The following UNC5C variants were observed in gnomAD, a reference collection of about 807,000 sequenced individuals.
UNC5C encodes netrin receptor UNC5C.
A neutral mutation model predicts 99.8 loss-of-function variants in UNC5C; 47 were observed. That is an observed-to-expected ratio of 0.47 (90% CI 0.37 to 0.60). The LOEUF (loss-of-function observed/expected upper bound fraction) is 0.60, where lower values mean the gene tolerates loss of function less well. Ranked by LOEUF, UNC5C falls within the 20% of genes least tolerant of loss-of-function variation. The pLI is 0.00. For synonymous variants in UNC5C, 487 were observed against 452.2 expected, an observed-to-expected ratio of 1.08 and a Z score of -0.98; for missense variants, 1,062 against 1,165.9, an observed-to-expected ratio of 0.91 and a Z score of 1.30.
chr4:95,397,291 G>T (rs1745542704), intron 1 of UNC5C, among the ~76,000 whole-genome samples: 2 of 152,168 alleles, frequency 1.3e-5, no homozygotes, highest in East Asian at 1.9e-4. Flanking sequence ...AAACTCCAAG[G>T]TTAATAAACT....
intron 1 of UNC5C, among the ~76,000 whole-genome samples, chr4:95,448,327 T>C (rs1008051257): frequency 6.7e-6 from 1 of 149,238 alleles, no homozygotes; most frequent in South Asian, 2.2e-4. Flanking sequence ...TAGCCACACA[T>C]GCAACATTTG....
intron 1 of UNC5C, among the ~76,000 whole-genome samples, chr4:95,382,498 T>A (rs368024052): frequency 4.9e-4 from 74 of 151,768 alleles, no homozygotes; most frequent in African/African-American, 1.8e-3. Flanking sequence ...AGATGAATAA[T>A]CCAAAATCAT....
chr4:95,235,190 C>A (rs1388123094), intron 7 of UNC5C, among the ~76,000 whole-genome samples: 1 of 152,152 alleles, frequency 6.6e-6, no homozygotes, highest in Admixed American at 6.5e-5. Flanking sequence ...ATTGCTAGTT[C>A]TTAAATTCAG....
chr4:95,304,749 C>G (rs1402527983), intron 2 of UNC5C, among the ~76,000 whole-genome samples: 10 of 152,164 alleles, frequency 6.6e-5, no homozygotes, highest in Non-Finnish European at 1.5e-4. Flanking sequence ...TTCCTTAGAA[C>G]TATAATGGTT....
At chr4:95,524,193 A>G (rs1178950822) in intron 1 of UNC5C, among the ~76,000 whole-genome samples, 1 of 152,188 alleles carries the variant, frequency 6.6e-6, no homozygotes, top group Admixed American at 6.5e-5. Flanking sequence ...TTAGGGTAAG[A>G]TTGAAAGCTG....
chr4:95,315,057 A>T (rs535080292), intron 2 of UNC5C, among the ~76,000 whole-genome samples: 1 of 152,316 alleles, frequency 6.6e-6, no homozygotes, highest in African/African-American at 2.4e-5. Flanking sequence ...CAAATTAAAA[A>T]TAAATTTTAA....
chr4:95,335,279 C>G, intron 2 of UNC5C, 131 bp downstream of exon 2: 1 of 865,554 alleles, frequency 1.2e-6, no homozygotes, highest in Non-Finnish European at 1.7e-6. Context: ...CTTAACCAAA[C>G]CAATTCAAAA....
chr4:95,480,245 T>C (rs1721096383), intron 1 of UNC5C, among the ~76,000 whole-genome samples: 4 of 151,830 alleles, frequency 2.6e-5, no homozygotes, highest in Admixed American at 2.6e-4. Context: ...ATAATGTATA[T>C]AATGCATATA....
chr4:95,319,067 T>C (rs1742584039), intron 2 of UNC5C, among the ~76,000 whole-genome samples: 1 of 152,194 alleles, frequency 6.6e-6, no homozygotes, highest in Admixed American at 6.5e-5. Context: ...CCAAGTAAAG[T>C]ATCTAGGTCA....
chr4:95,180,438 A>C (rs758823457), intron 14 of UNC5C, among the ~76,000 whole-genome samples: 1 of 152,216 alleles, frequency 6.6e-6, no homozygotes, highest in Non-Finnish European at 1.5e-5. Context: ...CCAACAAACA[A>C]AATCTTTTAT....
chr4:95,467,706 C>T (rs1747829128), intron 1 of UNC5C, among the ~76,000 whole-genome samples: 1 of 152,046 alleles, frequency 6.6e-6, no homozygotes. Context: ...TAGGGGGCAC[C>T]AACCCTTCAC....
Position 95,169,338 on chromosome 4 carries a change from C to T in UNC5C, c.2692G>A (p.Ala898Thr). 1 of 1,614,230 alleles carries T rather than the reference C, an allele frequency of 6.2e-7. No individual in the cohort carries two copies. The highest frequency in any genetic ancestry group is 8.5e-7 in the Non-Finnish European group (1 of 1,180,052). The stretch of plus-strand genomic sequence containing the variant: ...AGGTTTCCATCTGGGAAGTTCTGTG[C>T]TTCCCAAAGATCCAGGATTACGCCA... ...PTGVILDLWE[A>T]QNFPDGNLSM... The change falls in exon 16 of 16, where the codon GCA (alanine) becomes ACA (threonine). Residue 898 changes from alanine (A) to threonine (T), a missense_variant. By Grantham distance (58) the Ala-to-Thr change is moderately conservative. Transcript: ENST00000453304.
intron 1 of UNC5C, among the ~76,000 whole-genome samples, chr4:95,347,262 G>A (rs1743809978): frequency 6.6e-6 from 1 of 151,858 alleles, no homozygotes; most frequent in Non-Finnish European, 1.5e-5. Flanking sequence ...AATTGAAGAG[G>A]ACACACAAAA....
chr4:95,269,871 C>G (rs919009206), intron 4 of UNC5C, among the ~76,000 whole-genome samples: 6 of 152,180 alleles, frequency 3.9e-5, no homozygotes, highest in African/African-American at 1.4e-4. Context: ...CACCACCACG[C>G]CCGGCTAATT....
chr4:95,435,732 C>A (rs2149461751), intron 1 of UNC5C, among the ~76,000 whole-genome samples: 1 of 152,196 alleles, frequency 6.6e-6, no homozygotes, highest in Non-Finnish European at 1.5e-5. Context: ...TCCCAAGCTG[C>A]AACTCTTCCA....
chr4:95,277,035 C>T lies in UNC5C; in HGVS notation c.594+1224G>A, dbSNP rs79399430. Among the ~76,000 whole-genome samples the T allele has an allele frequency of 6.8e-3, 1,037 of 151,816 alleles. 2 individuals carry two copies. Among genetic ancestry groups the T allele is most frequent in the South Asian group, 0.014 (67 of 4,778 alleles). ...GATGTTTGAGCTTGTTGTCAGGGGA[C>T]CAGCTAACTACCTGACCCCATCTTT... On this transcript the variant is annotated intron_variant, in intron 4 of 15. Transcript: ENST00000453304.
chr4:95,361,981 A>C (rs1017227862), intron 1 of UNC5C, among the ~76,000 whole-genome samples: 2 of 151,572 alleles, frequency 1.3e-5, no homozygotes, highest in Admixed American at 6.6e-5. Flanking sequence ...ATATATATAT[A>C]TCTTACTTCT....
At chr4:95,198,498 G>A (rs1325691999) in intron 12 of UNC5C, among the ~76,000 whole-genome samples, 1 of 152,160 alleles carries the variant, frequency 6.6e-6, no homozygotes, top group Non-Finnish European at 1.5e-5. Flanking sequence ...GAATAAGTTT[G>A]GGCAGAGAGA....
chr4:95,242,002 G>GA (rs1739342876), intron 7 of UNC5C, among the ~76,000 whole-genome samples: 1 of 152,140 alleles, frequency 6.6e-6, no homozygotes, highest in Admixed American at 6.5e-5. Flanking sequence ...TCTACCTACA[G>GA]AAATGTTTGT....
Sources: gnomAD v4.1 joint callset for allele counts (sites outside exome capture counted in the v4.1 genomes callset) on GRCh38, gnomAD v4.1.1 for gene constraint, MANE v1.5 for transcripts, NCBI Gene and HGNC (gene_info 2026-07-23, HGNC 2026-07-21) for gene names.